Variants in DNAH7 observed in about 807,000 individuals in gnomAD.
The protein encoded by DNAH7 is axonemal beta dynein heavy chain 7.
DNAH7 carries 397 observed loss-of-function variants against 444.6 expected under a neutral mutation model. The observed-to-expected ratio is 0.89, with a 90% confidence interval of 0.82 to 0.97. The LOEUF is 0.97. Ranked by LOEUF, DNAH7 falls within the 50% of genes least tolerant of loss-of-function variation. The probability of loss-of-function intolerance (pLI) is 0.00; values close to 1 mark genes in which losing one functional copy is unlikely to be tolerated. For synonymous variants in DNAH7, 1,636 were observed against 1,624.4 expected (o/e 1.01, Z -0.17); for missense variants, 4,902 against 4,800.8 (o/e 1.02, Z -0.62).
At chr2:195,873,353 CA>C (rs1430217960) in intron 39 of DNAH7, among the ~76,000 whole-genome samples, 1 of 152,168 alleles carries the variant, frequency 6.6e-6, no homozygotes, top group Non-Finnish European at 1.5e-5. Context: ...AATAATAACT[CA>C]AACGTGAACA....
intron 51 of DNAH7, among the ~76,000 whole-genome samples, chr2:195,813,298 TTTTTC>T (rs374825913): frequency 1.3e-3 from 203 of 152,328 alleles, no homozygotes; most frequent in African/African-American, 4.8e-3. Context: ...TTCCCTCCTT[TTTTTC>T]TTAATTTAGA....
At chr2:195,838,650 T>C (rs928002394) in intron 47 of DNAH7, among the ~76,000 whole-genome samples, 4 of 151,984 alleles carry the variant, frequency 2.6e-5, no homozygotes, top group Admixed American at 6.6e-5. Context: ...CACTATCAGA[T>C]TGGATAAAAC....
At chr2:195,819,032 G>A (rs1222540152) in intron 49 of DNAH7, among the ~76,000 whole-genome samples, 1 of 152,062 alleles carries the variant, frequency 6.6e-6, no homozygotes, top group Admixed American at 6.6e-5. Flanking sequence ...TTTCCTGCAA[G>A]GAACTGATTG....
At chr2:195,850,752 A>G (rs1389128513) in intron 46 of DNAH7, among the ~76,000 whole-genome samples, 1 of 152,134 alleles carries the variant, frequency 6.6e-6, no homozygotes, top group African/African-American at 2.4e-5. Flanking sequence ...AGACTGTGGG[A>G]TGAAGATTCA....
chr2:195,747,952 C>G (rs1019139376), intron 63 of DNAH7, among the ~76,000 whole-genome samples: 2 of 152,244 alleles, frequency 1.3e-5, no homozygotes, highest in Admixed American at 6.5e-5. Flanking sequence ...TCTCACCACT[C>G]GTATTCAACA....
At chr2:195,894,691 C>A in intron 30 of DNAH7, 1 of 217,274 alleles carries the variant, frequency 4.6e-6, no homozygotes. Context: ...GCAGGAAAAC[C>A]TTCAGATTTT....
At position 195,929,344 on chromosome 2, in the gene DNAH7, C is replaced by T. The variant is rs1343147924; in HGVS notation, c.3472-2778G>A. 5.9e-5 allele frequency among the ~76,000 whole-genome samples: 9 copies of T among 152,290 alleles called. 1 individual carries two copies. The highest frequency in any genetic ancestry group is 5.9e-4 in the Admixed American group (9 of 15,300). On this transcript the variant is annotated intron_variant, in intron 21 of 64. Coordinates refer to ENST00000312428, the MANE Select transcript of DNAH7 (RefSeq NM_018897.3). ...AACACTATTCCTATCAAGCTACCAA[C>T]ATCATTTTTCACAGAACTGGAAAAA... is the stretch of plus-strand genomic sequence containing the variant.
At chr2:195,925,477 C>T (rs897645546) in intron 22 of DNAH7, among the ~76,000 whole-genome samples, 3 of 152,168 alleles carry the variant, frequency 2.0e-5, no homozygotes, top group African/African-American at 7.2e-5. Context: ...GGGCTTACTG[C>T]TATTAGGGAT....
intron 5 of DNAH7, among the ~76,000 whole-genome samples, chr2:196,042,658 A>G (rs539724882): frequency 1.1e-3 from 171 of 152,236 alleles, no homozygotes; most frequent in South Asian, 2.3e-3. Context: ...GATAAAACAC[A>G]TCTACTAGAA....
chr2:196,060,345 T>A (rs533629550), intron 1 of DNAH7, among the ~76,000 whole-genome samples: 5 of 152,342 alleles, frequency 3.3e-5, no homozygotes, highest in African/African-American at 1.2e-4. Flanking sequence ...AACTCTCTTT[T>A]CCAAAATAAT....
In DNAH7 at chr2:195,858,688, AC is replaced by A; in HGVS notation, c.7852del (p.Val2618LeufsTer9). On this transcript the variant is annotated frameshift_variant, in exon 43 of 65. Coordinates refer to ENST00000312428, the MANE Select transcript of DNAH7 (RefSeq NM_018897.3). LOFTEE classifies it high-confidence loss of function. ...CATTTCATCAACCTCTTTGCTAGCA[AC>A]TTTTAATTGAGGATGTAGTGCCTCC... ...ELEALHPQLK[V>X]ASKEVDEMMI... 6.2e-7 allele frequency: 1 copy of A among 1,614,010 alleles called. No homozygotes were observed. Among genetic ancestry groups the A allele is most frequent in the Non-Finnish European group, 8.5e-7 (1 of 1,179,946 alleles).
At chr2:195,787,316 A>C in intron 57 of DNAH7, 145 bp from the exon 58 acceptor site, 1 of 893,336 alleles carries the variant, frequency 1.1e-6, no homozygotes, top group Non-Finnish European at 1.7e-6. Context: ...TAACAGAGTT[A>C]AGTATGTTTC....
At chr2:195,846,936 TAAACTCCC>T (rs1699028073) in intron 46 of DNAH7, among the ~76,000 whole-genome samples, 1 of 148,182 alleles carries the variant, frequency 6.7e-6, no homozygotes, top group African/African-American at 2.5e-5. Context: ...TACTACGTAA[TAAACTCCC>T]ATATATGTGT....
intron 40 of DNAH7, among the ~76,000 whole-genome samples, chr2:195,871,291 T>C (rs1254181843): frequency 6.6e-6 from 1 of 152,230 alleles, no homozygotes; most frequent in Admixed American, 6.5e-5. Flanking sequence ...TCGTGTTCTA[T>C]GTTTCTTAAC....
chr2:196,011,917 T>C (rs1303170287), intron 10 of DNAH7, among the ~76,000 whole-genome samples: 2 of 152,200 alleles, frequency 1.3e-5, no homozygotes, highest in African/African-American at 4.8e-5. Flanking sequence ...CTTTCTTCTC[T>C]GTAATTAATT....
At chr2:195,974,624 G>T (rs79015545) in intron 15 of DNAH7, among the ~76,000 whole-genome samples, 1 of 151,874 alleles carries the variant, frequency 6.6e-6, no homozygotes, top group Non-Finnish European at 1.5e-5. Context: ...TTCCTTTAAT[G>T]AACAGGAATT....
rs372497494 is a variant in DNAH7 at position 195,855,873 on chromosome 2, G to C, written c.8533C>G (p.Leu2845Val). ...TCAAGTGTGTCTTGAAGCCTGGCCA[G>C]CTTGTCCTGAACTTCCTTAAGGGCT... The part of the protein sequence containing the change: ...QAALKEVQDK[L>V]ARLQDTLELN... The change falls in exon 45 of 65, where the codon CTG becomes GTG. Residue 2845 changes from leucine (L) to valine (V), a missense_variant. Transcript: ENST00000312428. The C allele has an allele frequency of 6.2e-7, 1 of 1,614,018 alleles. No individual in the cohort carries two copies. Among genetic ancestry groups the C allele is most frequent in the Admixed American group, 1.7e-5 (1 of 60,010 alleles).
chr2:196,066,575 A>G (rs1372941061), intron 1 of DNAH7, among the ~76,000 whole-genome samples: 1 of 152,212 alleles, frequency 6.6e-6, no homozygotes, highest in African/African-American at 2.4e-5. Context: ...AAGTTTTTCA[A>G]CTGATACTAA....
Position 196,026,915 on chromosome 2 carries a change from C to G in DNAH7, c.512G>C (p.Gly171Ala). 1 of 1,609,358 alleles carries G rather than the reference C, an allele frequency of 6.2e-7. No homozygotes were observed. The highest frequency in any genetic ancestry group is 8.5e-7 in the Non-Finnish European group (1 of 1,177,334). ...TGGGGCTACATGGTCTGTATCAATT[C>G]CATGGTGAATATAATAGTAATATCT... ...ILRYYYYIHH[G>A]IDTDHVAPME... is the part of the protein sequence containing the mutation. The change falls in exon 7 of 65, where the codon GGA (glycine) becomes GCA (alanine). Residue 171 changes from glycine to alanine, a missense_variant. Physicochemically the swap from Gly to Ala is moderately conservative, Grantham distance 60. Coordinates refer to ENST00000312428, the MANE Select transcript of DNAH7 (RefSeq NM_018897.3).
Sources: allele counts gnomAD v4.1 joint callset (sites outside exome capture counted in the v4.1 genomes callset), GRCh38; gene constraint gnomAD v4.1.1; transcripts MANE v1.5; gene names NCBI Gene and HGNC (gene_info 2026-07-23, HGNC 2026-07-21).